The following CDH9 variants were observed in gnomAD, a reference collection of about 807,000 sequenced individuals.
CDH9 encodes the protein cadherin 9, also known as cadherin-9.
Under a neutral mutation model 70.9 loss-of-function variants are expected in CDH9, and 28 were observed. That is an observed-to-expected ratio of 0.40 (90% CI 0.29 to 0.54). CDH9 has a LOEUF of 0.54. CDH9 is among the 20% of genes least tolerant of loss of function. The probability of loss-of-function intolerance (pLI) is 0.59; values close to 1 mark genes in which losing one functional copy is unlikely to be tolerated. For missense variants in CDH9, 874 were observed against 984.4 expected (o/e 0.89, Z 1.50); for synonymous variants, 409 against 343.1 (o/e 1.19, Z -2.12).
chr5:27,023,468 T>C lies in CDH9; in HGVS notation c.-50+14995A>G, dbSNP rs141396460. On this transcript the variant is annotated intron_variant, in intron 1 of 11. Coordinates refer to ENST00000231021, the MANE Select transcript of CDH9 (RefSeq NM_016279.4). ...AAAGGATTATGAAACAAAAATAATTTTGTAAAAATATATAGATTCTCATTG... is the reference window on the plus strand; with the variant it reads ...AAAGGATTATGAAACAAAAATAATTCTGTAAAAATATATAGATTCTCATTG... Among the ~76,000 whole-genome samples the C allele has an allele frequency of 4.5e-3, 687 of 152,186 alleles. 5 individuals are homozygous for C. Among genetic ancestry groups the C allele is most frequent in the African/African-American group, 0.016 (654 of 41,542 alleles).
At position 26,902,504 on chromosome 5, in the gene CDH9, C is replaced by A. The variant is rs748562835; in HGVS notation, c.1225G>T (p.Asp409Tyr). 1 of 1,604,662 alleles carries A rather than the reference C, an allele frequency of 6.2e-7. No individual in the cohort carries two copies. The highest frequency in any genetic ancestry group is 8.5e-7 in the Non-Finnish European group (1 of 1,171,988). ...ATTAAATTGTTCCTGGCATCTGGAT[C>A]GTATGCTGTAACCTGTCCAATGATA... ...GSIIGQVTAY[D>Y]PDARNNLIKY... The change falls in exon 7 of 12, where the codon GAT becomes TAT. Residue 409 changes from aspartate (D) to tyrosine (Y), a missense_variant. Transcript: ENST00000231021.
At chr5:26,985,710 G>A (rs1221430877) in intron 2 of CDH9, among the ~76,000 whole-genome samples, 3 of 152,090 alleles carry the variant, frequency 2.0e-5, no homozygotes, top group East Asian at 3.9e-4. Context: ...ATCCTGGTCC[G>A]TGGTGAATAC....
At chr5:26,993,109 A>T (rs556862263) in intron 1 of CDH9, among the ~76,000 whole-genome samples, 1 of 152,074 alleles carries the variant, frequency 6.6e-6, no homozygotes, top group East Asian at 1.9e-4. Context: ...CTCCAAAAAA[A>T]AAAAAAAAAA....
Position 26,886,017 on chromosome 5 carries a change from G to C in CDH9, c.1579C>G (p.Pro527Ala), listed in dbSNP as rs755105927. The C allele has an allele frequency of 6.2e-7, 1 of 1,612,310 alleles. No individual in the cohort carries two copies. The highest frequency in any genetic ancestry group is 8.5e-7 in the Non-Finnish European group (1 of 1,179,580). ...PPRGHKFFFE[P>A]VPEFTLNPNF... ...GGATTGAGAGTAAATTCTGGCACTGGTTCAAAAAAGAATTTGTGACCTCGG... is the reference window on the plus strand; with the variant it reads ...GGATTGAGAGTAAATTCTGGCACTGCTTCAAAAAAGAATTTGTGACCTCGG... The change falls in exon 10 of 12, where the codon CCA (proline) becomes GCA (alanine). Residue 527 changes from proline to alanine, a missense_variant. Pro to Ala is a conservative substitution (Grantham distance 27). Transcript: ENST00000231021.
chr5:27,004,627 T>A (rs1434854369), intron 1 of CDH9, among the ~76,000 whole-genome samples: 1 of 152,084 alleles, frequency 6.6e-6, no homozygotes, highest in East Asian at 1.9e-4. Context: ...AGGGATGAAT[T>A]TAAGGCTTTG....
At chr5:27,013,235 C>T (rs1399343466) in intron 1 of CDH9, among the ~76,000 whole-genome samples, 1 of 151,886 alleles carries the variant, frequency 6.6e-6, no homozygotes, top group Non-Finnish European at 1.5e-5. Context: ...CTTTAAGGCA[C>T]TTTTTTAGTT....
intron 2 of CDH9, among the ~76,000 whole-genome samples, chr5:26,968,976 T>C (rs1238458248): frequency 6.6e-6 from 1 of 152,212 alleles, no homozygotes; most frequent in Admixed American, 6.5e-5. Flanking sequence ...TATAAATATG[T>C]AGCTATTAGC....
At chr5:26,958,591 C>T (rs530687572) in intron 2 of CDH9, among the ~76,000 whole-genome samples, 24 of 152,116 alleles carry the variant, frequency 1.6e-4, no homozygotes, top group African/African-American at 5.1e-4. Context: ...CGAAAACTGG[C>T]GACCTGTGAA....
At chr5:26,970,734 A>T (rs949942619) in intron 2 of CDH9, among the ~76,000 whole-genome samples, 1 of 151,320 alleles carries the variant, frequency 6.6e-6, no homozygotes, top group Non-Finnish European at 1.5e-5. Context: ...ATATTTACAT[A>T]GGCTAGACCT....
intron 9 of CDH9, among the ~76,000 whole-genome samples, chr5:26,888,888 A>T (rs888237766): frequency 2.6e-5 from 4 of 152,118 alleles, no homozygotes; most frequent in African/African-American, 9.7e-5. Flanking sequence ...GCTCTCTGTT[A>T]TCTTTTCTTT....
At position 26,885,594 on chromosome 5, in the gene CDH9, T is replaced by C. The variant is rs1206519360; in HGVS notation, c.1882+20A>G. The C allele has an allele frequency of 1.9e-6, 3 of 1,608,876 alleles. No homozygotes were observed. Among genetic ancestry groups the C allele is most frequent in the East Asian group, 2.2e-5 (1 of 44,808 alleles). On this transcript the variant is annotated intron_variant, in intron 11 of 11. Transcript: ENST00000231021. The stretch of plus-strand genomic sequence containing the variant: ...GAGATTTTTGTGAGTTAAAGGATCA[T>C]TCAGAGGGGCAGAGCTTACTAAGCA...
chr5:26,881,084 C>A lies in CDH9; in HGVS notation c.*52G>T. 1 of 1,490,028 alleles carries A rather than the reference C, an allele frequency of 6.7e-7. No individual in the cohort carries two copies. The highest frequency in any genetic ancestry group is 9.0e-7 in the Non-Finnish European group (1 of 1,107,818). 92.3% of individuals were successfully genotyped at this position (1,490,028 alleles called of 1,614,324 possible). ...AGGAAGAGAATGCAGGCCACTCAAT[C>A]TAATAACATAGACAGTACTTCCACT... On this transcript the variant is annotated 3_prime_UTR_variant, in exon 12 of 12. Coordinates refer to ENST00000231021, the MANE Select transcript of CDH9 (RefSeq NM_016279.4).
At chr5:27,010,750 C>T (rs1205836591) in intron 1 of CDH9, among the ~76,000 whole-genome samples, 1 of 152,242 alleles carries the variant, frequency 6.6e-6, no homozygotes, top group African/African-American at 2.4e-5. Context: ...AAATTTCATA[C>T]ATACTTTTAA....
chr5:26,895,453 T>C (rs1740732903), intron 7 of CDH9, among the ~76,000 whole-genome samples: 1 of 152,060 alleles, frequency 6.6e-6, no homozygotes, highest in East Asian at 1.9e-4. Flanking sequence ...GTCATGGACA[T>C]TTTATTGAGG....
chr5:26,931,833 A>C (rs561021195), intron 2 of CDH9, among the ~76,000 whole-genome samples: 1 of 152,264 alleles, frequency 6.6e-6, no homozygotes, highest in East Asian at 1.9e-4. Context: ...GCATGTAATT[A>C]GACTTCAAAG....
intron 2 of CDH9, among the ~76,000 whole-genome samples, chr5:26,925,354 G>A (rs1371364409): frequency 3.3e-5 from 5 of 152,080 alleles, no homozygotes; most frequent in Non-Finnish European, 7.4e-5. Flanking sequence ...CTTCTTTTGA[G>A]AAGTATCTGT....
intron 2 of CDH9, among the ~76,000 whole-genome samples, chr5:26,984,006 A>C (rs2112087264): frequency 6.6e-6 from 1 of 152,192 alleles, no homozygotes; most frequent in African/African-American, 2.4e-5. Context: ...CAAATATAAA[A>C]CAGATTCCTA....
intron 2 of CDH9, among the ~76,000 whole-genome samples, chr5:26,960,577 A>G (rs1412093107): frequency 6.6e-6 from 1 of 152,024 alleles, no homozygotes; most frequent in Non-Finnish European, 1.5e-5. Flanking sequence ...ATGATCTTGA[A>G]GCTTTGACTG....
chr5:27,028,577 C>T (rs1406220375), intron 1 of CDH9, among the ~76,000 whole-genome samples: 1 of 151,874 alleles, frequency 6.6e-6, no homozygotes, highest in African/African-American at 2.4e-5. Context: ...AAGTCTTTTC[C>T]ACAAAGTGTG....
Sources: allele counts gnomAD v4.1 joint callset (sites outside exome capture counted in the v4.1 genomes callset), GRCh38; gene constraint gnomAD v4.1.1; transcripts MANE v1.5; gene names NCBI Gene and HGNC (gene_info 2026-07-23, HGNC 2026-07-21).